Variants in RBFOX1 observed in about 807,000 individuals in gnomAD.
RBFOX1 encodes the protein RNA binding fox-1 homolog 1.
In RBFOX1, 8 loss-of-function variants were observed where a neutral mutation model predicts 57.7. The ratio of observed to expected loss-of-function variants is 0.14; its 90% CI spans 0.08 to 0.25. The LOEUF (loss-of-function observed/expected upper bound fraction) is 0.25, where lower values mean the gene tolerates loss of function less well. Ranked by LOEUF, RBFOX1 falls within the 10% of genes least tolerant of loss-of-function variation. The pLI is 1.00. For synonymous variants in RBFOX1, 326 were observed against 222.4 expected, an observed-to-expected ratio of 1.47 and a Z score of -4.15; for missense variants, 611 against 548.5, an observed-to-expected ratio of 1.11 and a Z score of -1.14.
intron 3 of RBFOX1, among the ~76,000 whole-genome samples, chr16:5,837,947 C>G (rs894747747): frequency 6.6e-6 from 1 of 152,056 alleles, no homozygotes; most frequent in Admixed American, 6.5e-5. Flanking sequence ...ATGGCTGCTT[C>G]GGAAAGAGGC....
At chr16:6,084,043 A>G (rs917381590) in intron 1 of RBFOX1, among the ~76,000 whole-genome samples, 5 of 152,192 alleles carry the variant, frequency 3.3e-5, no homozygotes, top group Non-Finnish European at 5.9e-5. Flanking sequence ...AAGAGTCTCA[A>G]CTTTGCTACT....
intron 2 of RBFOX1, among the ~76,000 whole-genome samples, chr16:5,533,248 C>T (rs899077127): frequency 1.3e-5 from 2 of 152,164 alleles, no homozygotes; most frequent in African/African-American, 4.8e-5. Flanking sequence ...GCAATTCACA[C>T]AAGTGAAATT....
chr16:5,708,013 C>G (rs952414956), intron 3 of RBFOX1, among the ~76,000 whole-genome samples: 24 of 152,182 alleles, frequency 1.6e-4, no homozygotes, highest in African/African-American at 5.8e-4. Flanking sequence ...AAAGGGTTCA[C>G]CACATGGTTA....
intron 3 of RBFOX1, among the ~76,000 whole-genome samples, chr16:6,861,910 C>G (rs2059094371): frequency 7.3e-6 from 1 of 136,286 alleles, no homozygotes; most frequent in African/African-American, 2.8e-5. Flanking sequence ...TTAACAAGAG[C>G]TCTCTCTGGC....
rs991671993 is a variant in RBFOX1 at position 7,633,759 on chromosome 16, T to C, written c.757+3076T>C. Among the ~76,000 whole-genome samples the C allele has an allele frequency of 3.5e-4, 53 of 152,334 alleles. 1 individual carries two copies. The highest frequency in any genetic ancestry group is 3.4e-3 in the Middle Eastern group (1 of 294). On this transcript the variant is annotated intron_variant, in intron 11 of 15. Coordinates refer to ENST00000550418, the MANE Select transcript of RBFOX1 (RefSeq NM_018723.4). ...AGAGGGGCCTTCAGTTATTTCTGTT[T>C]GCAGGCTGTGCATTGGTGTTGAATG...
At chr16:5,299,658 A>C (rs2063756559) in intron 1 of RBFOX1, among the ~76,000 whole-genome samples, 2 of 152,224 alleles carry the variant, frequency 1.3e-5, no homozygotes, top group African/African-American at 4.8e-5. Flanking sequence ...TCATATCTAG[A>C]AATATTTGTA....
chr16:7,444,055 T>C (rs993343662), intron 4 of RBFOX1, among the ~76,000 whole-genome samples: 3 of 152,210 alleles, frequency 2.0e-5, no homozygotes, highest in African/African-American at 7.2e-5. Context: ...GAGGTGCTAA[T>C]ATACATGGAA....
intron 3 of RBFOX1, among the ~76,000 whole-genome samples, chr16:6,755,336 C>A (rs11646449): frequency 6.6e-6 from 1 of 151,974 alleles, no homozygotes; most frequent in Non-Finnish European, 1.5e-5. Flanking sequence ...AAAAGTGTTC[C>A]TATTTCTCCA....
chr16:6,086,128 C>A (rs1317196245), intron 1 of RBFOX1, among the ~76,000 whole-genome samples: 1 of 152,136 alleles, frequency 6.6e-6, no homozygotes, highest in Non-Finnish European at 1.5e-5. Flanking sequence ...CCAGCTTCAT[C>A]CATGTCCTTG....
At chr16:5,911,386 T>G (rs74909980) in intron 4 of RBFOX1, among the ~76,000 whole-genome samples, 2,926 of 152,306 alleles carry the variant, frequency 0.019, 46 homozygotes, top group Middle Eastern at 0.031. Flanking sequence ...AGCCGTATCT[T>G]CAGAGACCTC....
At chr16:7,567,471 ATCCCT>A (rs2092093995) in intron 5 of RBFOX1, among the ~76,000 whole-genome samples, 1 of 54,516 alleles carries the variant, frequency 1.8e-5, no homozygotes. Context: ...CTATATATAT[ATCCCT>A]ATGTATGGCC....
chr16:7,015,657 C>T (rs535499810), intron 3 of RBFOX1, among the ~76,000 whole-genome samples: 1 of 152,088 alleles, frequency 6.6e-6, no homozygotes, highest in Non-Finnish European at 1.5e-5. Context: ...CTCTTTTGAG[C>T]AAACAAGAAG....
chr16:6,399,612 C>A (rs1019523795), intron 2 of RBFOX1, among the ~76,000 whole-genome samples: 5 of 152,202 alleles, frequency 3.3e-5, no homozygotes, highest in Admixed American at 3.3e-4. Flanking sequence ...CTTGTGAGCC[C>A]TCCAAACTGT....
intron 2 of RBFOX1, among the ~76,000 whole-genome samples, chr16:6,562,036 G>C (rs954039284): frequency 7.9e-5 from 12 of 152,176 alleles, no homozygotes; most frequent in African/African-American, 2.9e-4. Context: ...TTTAAGGCAT[G>C]GAGTTTTCAG....
At chr16:5,440,194 C>G (rs990878825) in intron 1 of RBFOX1, among the ~76,000 whole-genome samples, 1 of 152,110 alleles carries the variant, frequency 6.6e-6, no homozygotes, top group Non-Finnish European at 1.5e-5. Flanking sequence ...CTATTCACAC[C>G]GCCATAACAT....
intron 4 of RBFOX1, among the ~76,000 whole-genome samples, chr16:7,472,502 C>G (rs1019886453): frequency 6.6e-6 from 1 of 152,154 alleles, no homozygotes; most frequent in African/African-American, 2.4e-5. Flanking sequence ...TTAAGTTATT[C>G]TGATATGAAA....
chr16:7,191,799 T>C (rs995710580), intron 4 of RBFOX1, among the ~76,000 whole-genome samples: 14 of 152,230 alleles, frequency 9.2e-5, no homozygotes, highest in African/African-American at 3.4e-4. Flanking sequence ...GGTGGACAAC[T>C]GTAAGCATAG....
At chr16:5,543,494 T>A (rs1326244401) in intron 2 of RBFOX1, among the ~76,000 whole-genome samples, 1 of 152,020 alleles carries the variant, frequency 6.6e-6, no homozygotes, top group Non-Finnish European at 1.5e-5. Flanking sequence ...ATTAAACACA[T>A]AGAGAACAAT....
At chr16:7,624,892 T>C (rs1020100352) in intron 10 of RBFOX1, among the ~76,000 whole-genome samples, 11 of 152,136 alleles carry the variant, frequency 7.2e-5, no homozygotes, top group South Asian at 2.1e-4. Flanking sequence ...GGATTAACAA[T>C]GTGAACACAC....
Sources: allele counts gnomAD v4.1 joint callset (sites outside exome capture counted in the v4.1 genomes callset), GRCh38; gene constraint gnomAD v4.1.1; transcripts MANE v1.5; gene names NCBI Gene and HGNC (gene_info 2026-07-23, HGNC 2026-07-21).